RALGPS1: variants seen among roughly 807,000 people sequenced by gnomAD.
RALGPS1 encodes the protein ras-specific guanine nucleotide-releasing factor RalGPS1.
A neutral mutation model predicts 78.8 loss-of-function variants in RALGPS1; 19 were observed. That is an observed-to-expected ratio of 0.24 (90% CI 0.17 to 0.35). RALGPS1 has a LOEUF of 0.35. Among genes scored for constraint, RALGPS1 ranks in the 10% least tolerant of loss-of-function variants. The probability of loss-of-function intolerance (pLI) is 1.00; values close to 1 mark genes in which losing one functional copy is unlikely to be tolerated. For missense variants in RALGPS1, 454 were observed against 688.3 expected, an observed-to-expected ratio of 0.66 and a Z score of 3.81; for synonymous variants, 228 against 256.3, an observed-to-expected ratio of 0.89 and a Z score of 1.06.
chr9:127,064,599 A>T (rs925509567), intron 7 of RALGPS1, among the ~76,000 whole-genome samples: 1 of 152,200 alleles, frequency 6.6e-6, no homozygotes, highest in Non-Finnish European at 1.5e-5. Context: ...CCATATACTT[A>T]CCAATGTGCT....
chr9:127,003,314 G>A (rs1588959320), intron 4 of RALGPS1, among the ~76,000 whole-genome samples: 1 of 151,784 alleles, frequency 6.6e-6, no homozygotes, highest in African/African-American at 2.4e-5. Flanking sequence ...TCTGACAAAG[G>A]GCTAATATCC....
At chr9:126,996,404 C>G (rs546839373) in intron 4 of RALGPS1, among the ~76,000 whole-genome samples, 2 of 152,314 alleles carry the variant, frequency 1.3e-5, no homozygotes, top group Non-Finnish European at 2.9e-5. Context: ...CTACAAACAC[C>G]TCTACGCAAA....
intron 4 of RALGPS1, among the ~76,000 whole-genome samples, chr9:127,007,013 T>G (rs2043899716): frequency 6.6e-6 from 1 of 152,220 alleles, no homozygotes; most frequent in South Asian, 2.1e-4. Flanking sequence ...AACTCTAAGA[T>G]AAATTGTGTA....
chr9:127,187,680 G>T (rs2060739550), intron 11 of RALGPS1, among the ~76,000 whole-genome samples: 1 of 152,150 alleles, frequency 6.6e-6, no homozygotes, highest in Non-Finnish European at 1.5e-5. Context: ...AGTGACTCAG[G>T]CAGTGAGACT....
intron 7 of RALGPS1, among the ~76,000 whole-genome samples, chr9:127,053,497 C>T (rs550766839): frequency 1.1e-4 from 16 of 152,310 alleles, no homozygotes; most frequent in Non-Finnish European, 1.5e-4. Context: ...TCTCAGACCT[C>T]TTTATGCTCC....
In RALGPS1 at chr9:127,176,395, C is replaced by T. The variant is rs556340817; in HGVS notation, c.910+1613C>T. Among the ~76,000 whole-genome samples the T allele has an allele frequency of 2.2e-4, 34 of 152,296 alleles. 1 individual carries two copies. In the South Asian group the frequency reaches 7.0e-3, roughly 32 times the overall value. On this transcript the variant is annotated intron_variant, in intron 11 of 18. Coordinates refer to ENST00000259351, the MANE Select transcript of RALGPS1 (RefSeq NM_014636.3). ...CTCCTTTTAGGTGCGCAGTCACCTA[C>T]AACTGACCTGTGGGGGACGAGGAGG...
Position 126,962,264 on chromosome 9 carries a change from C to G in RALGPS1, c.-26C>G. ...GGTTATGTTACCTGCAGAGGCTGCC[C>G]TGAAGCTCCCTGTGGCCTGGAGACT... On this transcript the variant is annotated 5_prime_UTR_variant, in exon 2 of 19. Transcript: ENST00000259351. 1 of 1,613,828 alleles carries G rather than the reference C, an allele frequency of 6.2e-7. No homozygotes were observed. Among genetic ancestry groups the G allele is most frequent in the Non-Finnish European group, 8.5e-7 (1 of 1,179,828 alleles).
intron 4 of RALGPS1, among the ~76,000 whole-genome samples, chr9:127,009,285 C>T (rs140719997): frequency 1.6e-4 from 24 of 152,332 alleles, no homozygotes; most frequent in African/African-American, 5.1e-4. Context: ...TTCCCCTGAA[C>T]GACTCTTTGT....
At chr9:126,959,375 T>C (rs1273818394) in intron 1 of RALGPS1, among the ~76,000 whole-genome samples, 1 of 152,156 alleles carries the variant, frequency 6.6e-6, no homozygotes, top group Non-Finnish European at 1.5e-5. Flanking sequence ...ATATCTTCTT[T>C]TGTGAAATGT....
chr9:127,206,663 A>G (rs1000874496), intron 14 of RALGPS1, among the ~76,000 whole-genome samples: 2 of 152,106 alleles, frequency 1.3e-5, no homozygotes, highest in African/African-American at 4.8e-5. Context: ...GAGGGATCCT[A>G]CTTCTACTAA....
At chr9:127,084,919 C>T (rs1589378696) in intron 8 of RALGPS1, among the ~76,000 whole-genome samples, 3 of 152,312 alleles carry the variant, frequency 2.0e-5, no homozygotes, top group Admixed American at 2.0e-4. Flanking sequence ...ATGTGGGTTT[C>T]TCTTACTATA....
At chr9:127,123,965 T>C (rs1454407449) in intron 8 of RALGPS1, among the ~76,000 whole-genome samples, 1 of 152,170 alleles carries the variant, frequency 6.6e-6, no homozygotes, top group African/African-American at 2.4e-5. Flanking sequence ...GTGGTGATGA[T>C]GTTTGGGAAC....
At chr9:127,088,878 GCCAGCGTGA>G in intron 8 of RALGPS1, 2 of 1,593,434 alleles carry the variant, frequency 1.3e-6, no homozygotes, top group South Asian at 2.2e-5. Context: ...TTGTGCTGTG[GCCAGCGTGA>G]CCAGGGTGGG....
chr9:127,172,203 CTG>C (rs2059600682), intron 10 of RALGPS1, among the ~76,000 whole-genome samples: 1 of 152,256 alleles, frequency 6.6e-6, no homozygotes, highest in Non-Finnish European at 1.5e-5. Context: ...AGAGAAATGT[CTG>C]TGTTGGACTA....
rs1450765195 is a variant in RALGPS1 at position 127,168,679 on chromosome 9, A to C, written c.749A>C (p.Asp250Ala). Residue 250 changes from aspartate to alanine, a missense_variant and splice_region_variant, in exon 10 of 19, where the codon GAT becomes GCT. Physicochemically the swap from Asp to Ala is moderately radical, Grantham distance 126. Coordinates refer to ENST00000259351, the MANE Select transcript of RALGPS1 (RefSeq NM_014636.3). ...IADLQVSCSYDHLTTLPHVQK... is the reference protein window; with the variant it reads ...IADLQVSCSYAHLTTLPHVQK... ...TCTGGATGTGGTCCACCTTTTGCAG[A>C]TCACCTCACCACCCTGCCCCATGTG... The C allele has an allele frequency of 6.2e-7, 1 of 1,608,926 alleles. No individual in the cohort carries two copies. Among genetic ancestry groups the C allele is most frequent in the Admixed American group, 1.7e-5 (1 of 59,990 alleles).
At chr9:126,988,015 C>T (rs1245969088) in intron 4 of RALGPS1, among the ~76,000 whole-genome samples, 4 of 152,120 alleles carry the variant, frequency 2.6e-5, no homozygotes, top group Non-Finnish European at 5.9e-5. Flanking sequence ...CAGAAAGATT[C>T]AGTTGCATAT....
chr9:127,218,674 G>A lies in RALGPS1; in HGVS notation c.1645-66G>A. The A allele has an allele frequency of 6.5e-7, 1 of 1,541,560 alleles. No individual in the cohort carries two copies. The highest frequency in any genetic ancestry group is 9.0e-7 in the Non-Finnish European group (1 of 1,114,210). On this transcript the variant is annotated intron_variant, in intron 18 of 18. Transcript: ENST00000259351. The surrounding 1 kb of genome is among the most constrained non-coding windows in gnomAD (Gnocchi z 4.4). ...GGGAAAGGCCTGTCCCTTCCCCTAG[G>A]GACCACCACCCCTTGTCCTTCTCTG...
At position 127,081,059 on chromosome 9, in the gene RALGPS1, G is replaced by A. The variant is rs143495663; in HGVS notation, c.610+11703G>A. Among the ~76,000 whole-genome samples the A allele has an allele frequency of 6.3e-3, 952 of 152,280 alleles. 9 individuals are homozygous for A. Among genetic ancestry groups the A allele is most frequent in the Non-Finnish European group, 7.3e-3 (495 of 68,014 alleles). ...GAGTGCTGGAAGTGGAATTGCTGGG[G>A]CAAAAACTCTTTGCAACTTTACAGT... On this transcript the variant is annotated intron_variant, in intron 8 of 18. Transcript: ENST00000259351.
chr9:127,009,704 A>G (rs1460205444), intron 4 of RALGPS1, among the ~76,000 whole-genome samples: 1 of 152,064 alleles, frequency 6.6e-6, no homozygotes, highest in Non-Finnish European at 1.5e-5. Flanking sequence ...CTCTGAGCCT[A>G]AGAGTCTAGG....
Sources: gnomAD v4.1 joint callset for allele counts (sites outside exome capture counted in the v4.1 genomes callset) on GRCh38, gnomAD v4.1.1 for gene constraint, Gnocchi (gnomAD v3.1) non-coding constraint, MANE v1.5 for transcripts, NCBI Gene and HGNC (gene_info 2026-07-23, HGNC 2026-07-21) for gene names.